The following LYRM4 variants were observed in gnomAD, a reference collection of about 807,000 sequenced individuals.
LYRM4 encodes LYR motif-containing protein 4.
In LYRM4, 9 loss-of-function variants were observed where a neutral mutation model predicts 11.7. The ratio of observed to expected loss-of-function variants is 0.77; its 90% CI spans 0.46 to 1.34. The LOEUF (loss-of-function observed/expected upper bound fraction) is 1.34, where lower values mean the gene tolerates loss of function less well. Ranked by LOEUF, LYRM4 falls within the 40% of genes most tolerant of loss-of-function variation. The probability of loss-of-function intolerance (pLI) is 0.00; values close to 1 mark genes in which losing one functional copy is unlikely to be tolerated. For synonymous variants in LYRM4, 42 were observed against 40.4 expected, an observed-to-expected ratio of 1.04 and a Z score of -0.15; for missense variants, 133 against 112.5, an observed-to-expected ratio of 1.18 and a Z score of -0.82.
At chr6:5,122,737 A>T (rs555826251) in intron 2 of LYRM4, among the ~76,000 whole-genome samples, 1 of 152,316 alleles carries the variant, frequency 6.6e-6, no homozygotes, top group Non-Finnish European at 1.5e-5. Context: ...GTGGGCCAAC[A>T]TCTGGCTCAT....
intron 2 of LYRM4, among the ~76,000 whole-genome samples, chr6:5,122,986 T>C (rs1763528870): frequency 6.6e-6 from 1 of 152,152 alleles, no homozygotes. Context: ...ACCCTCTCAA[T>C]TTCCCAGGGC....
intron 2 of LYRM4, among the ~76,000 whole-genome samples, chr6:5,214,659 C>T (rs952890170): frequency 2.0e-5 from 3 of 152,208 alleles, no homozygotes; most frequent in Admixed American, 2.0e-4. Context: ...ACAGACTCTC[C>T]ACCTTGCCAT....
the LYRM4 span, among the ~76,000 whole-genome samples, chr6:5,047,704 C>T: frequency 6.6e-6 from 1 of 152,050 alleles, no homozygotes; most frequent in East Asian, 1.9e-4. Flanking sequence ...GTGGGAGTGA[C>T]ATATTCAAAA....
chr6:5,102,014 A>T (rs1762521282), downstream of LYRM4, among the ~76,000 whole-genome samples: 1 of 92,142 alleles, frequency 1.1e-5, no homozygotes. Flanking sequence ...GCTGGTCTTG[A>T]ACTCCTGGCC....
At chr6:5,114,675 A>C (rs552271913) in intron 2 of LYRM4, among the ~76,000 whole-genome samples, 1 of 152,190 alleles carries the variant, frequency 6.6e-6, no homozygotes, top group Non-Finnish European at 1.5e-5. Context: ...CCTGGGCCAC[A>C]CTAGAAGAAG....
intron 1 of LYRM4, among the ~76,000 whole-genome samples, chr6:5,226,998 TATG>T (rs1414769658): frequency 6.6e-6 from 1 of 152,072 alleles, no homozygotes; most frequent in African/African-American, 2.4e-5. Flanking sequence ...AGGTGAGATA[TATG>T]ATGAGGAATT....
chr6:5,157,623 G>A (rs1230854394), intron 2 of LYRM4, among the ~76,000 whole-genome samples: 2 of 152,022 alleles, frequency 1.3e-5, no homozygotes, highest in African/African-American at 4.8e-5. Context: ...TCCCAGAGGT[G>A]GCATTTGGGA....
At chr6:5,041,722 A>G in the LYRM4 span, among the ~76,000 whole-genome samples, 37 of 152,318 alleles carry the variant, frequency 2.4e-4, no homozygotes, top group Admixed American at 2.0e-3. Context: ...CTTGATATTT[A>G]TAGTCATGAA....
At chr6:5,071,542 A>ATATG in the LYRM4 span, among the ~76,000 whole-genome samples, 1,426 of 150,290 alleles carry the variant, frequency 9.5e-3, 17 homozygotes, top group African/African-American at 0.031. Flanking sequence ...TTATATATAT[A>ATATG]TGTGTGTGTG....
chr6:5,140,037 C>T (rs117846136), intron 2 of LYRM4, among the ~76,000 whole-genome samples: 358 of 151,940 alleles, frequency 2.4e-3, no homozygotes, highest in Admixed American at 0.015. Context: ...AGTTCGAGAC[C>T]AGCCTGGAAA....
At chr6:5,218,135 G>C (rs1762382897) in intron 1 of LYRM4, 1 of 654,730 alleles carries the variant, frequency 1.5e-6, no homozygotes, top group African/African-American at 2.0e-5. Flanking sequence ...TTAAACTCCT[G>C]GGCTCAAGCT....
intron 2 of LYRM4, among the ~76,000 whole-genome samples, chr6:5,181,721 T>TTCACAAC (rs1760087323): frequency 6.6e-6 from 1 of 152,166 alleles, no homozygotes; most frequent in African/African-American, 2.4e-5. Context: ...AACATCCCAT[T>TTCACAAC]TCACAACTCT....
At chr6:5,243,245 A>G (rs991188343) in intron 1 of LYRM4, among the ~76,000 whole-genome samples, 1 of 152,338 alleles carries the variant, frequency 6.6e-6, no homozygotes. Context: ...CGAGTCAGAC[A>G]GTCAGGACTG....
chr6:5,175,821 G>A (rs1759681409), intron 2 of LYRM4, among the ~76,000 whole-genome samples: 1 of 152,182 alleles, frequency 6.6e-6, no homozygotes, highest in Admixed American at 6.5e-5. Context: ...CAAGTAGGAA[G>A]TCGCACTGCT....
the LYRM4 span, chr6:5,086,034 G>T: frequency 6.7e-7 from 1 of 1,489,596 alleles, no homozygotes; most frequent in South Asian, 1.3e-5. Flanking sequence ...TGCTGGCCGC[G>T]GCGGCAGTGG....
At chr6:5,189,137 A>G (rs866949443) in intron 2 of LYRM4, among the ~76,000 whole-genome samples, 1 of 152,244 alleles carries the variant, frequency 6.6e-6, no homozygotes, top group Admixed American at 6.5e-5. Flanking sequence ...ATTACATACA[A>G]TTGTTATTAA....
the LYRM4 span, among the ~76,000 whole-genome samples, chr6:5,046,600 G>T: frequency 1.3e-5 from 2 of 152,178 alleles, no homozygotes; most frequent in Non-Finnish European, 2.9e-5. Context: ...GGCTGCACAG[G>T]CATCTCGCTC....
chr6:5,198,329 G>C lies in LYRM4; in HGVS notation c.207+18289C>G, dbSNP rs530949004. On this transcript the variant is annotated intron_variant, in intron 2 of 2. Transcript: ENST00000330636. ...GAGGCCTATATTTTGCATGAAAAAAGAAGACTAAAGATGAAGTTTCAAAGG... is the reference window on the plus strand; with the variant it reads ...GAGGCCTATATTTTGCATGAAAAAACAAGACTAAAGATGAAGTTTCAAAGG... Among the ~76,000 whole-genome samples, 30 of 152,268 alleles carry C rather than the reference G, an allele frequency of 2.0e-4. No homozygotes were observed. In the South Asian group the frequency reaches 5.8e-3, roughly 29 times the overall value.
Position 5,237,682 on chromosome 6 carries a change from G to A in LYRM4, c.87-20944C>T, listed in dbSNP as rs371095629. On this transcript the variant is annotated intron_variant, in intron 1 of 2. Transcript: ENST00000330636. ...ACTACTTATGAAGGATTGCCTAAAA[G>A]ACAAGCCCTGTATCTACTCTTCTAG... 2.6e-4 allele frequency among the ~76,000 whole-genome samples: 40 copies of A among 152,072 alleles called. 1 individual carries two copies. Among genetic ancestry groups the A allele is most frequent in the East Asian group, 2.3e-3 (12 of 5,188 alleles).
Sources: gnomAD v4.1 joint callset for allele counts (sites outside exome capture counted in the v4.1 genomes callset) on GRCh38, gnomAD v4.1.1 for gene constraint, MANE v1.5 for transcripts, NCBI Gene and HGNC (gene_info 2026-07-23, HGNC 2026-07-21) for gene names.